SLC9C1: variants seen among roughly 807,000 people sequenced by gnomAD.
SLC9C1 encodes the protein solute carrier family 9 member C1.
Under a neutral mutation model 140.9 loss-of-function variants are expected in SLC9C1, and 97 were observed. The ratio of observed to expected loss-of-function variants is 0.69; its 90% confidence interval spans 0.58 to 0.82. SLC9C1 has a LOEUF of 0.82. Ranked by LOEUF, SLC9C1 falls within the 40% of genes least tolerant of loss-of-function variation. The pLI is 0.00. For synonymous variants in SLC9C1, 440 were observed against 442.6 expected (o/e 0.99, Z 0.07); for missense variants, 1,340 against 1,389.3 (o/e 0.96, Z 0.56).
intron 15 of SLC9C1, among the ~76,000 whole-genome samples, chr3:112,216,174 T>C (rs2108099866): frequency 6.6e-6 from 1 of 152,240 alleles, no homozygotes; most frequent in East Asian, 1.9e-4. Context: ...TGAAATGGGA[T>C]CCCTTCCTTA....
At chr3:112,277,210 A>G (rs1020096874) in intron 5 of SLC9C1, among the ~76,000 whole-genome samples, 1 of 152,064 alleles carries the variant, frequency 6.6e-6, no homozygotes, top group Non-Finnish European at 1.5e-5. Flanking sequence ...GATACTATAC[A>G]CTCAAAACAC....
chr3:112,219,613 C>G (rs1189525921), intron 14 of SLC9C1, among the ~76,000 whole-genome samples: 1 of 152,164 alleles, frequency 6.6e-6, no homozygotes, highest in Non-Finnish European at 1.5e-5. Flanking sequence ...GAGCCTTGCT[C>G]TGTCCCCCAG....
chr3:112,180,660 T>G lies in SLC9C1; in HGVS notation c.2652A>C (p.Glu884Asp). The part of the protein sequence containing the change: ...KNKDYINFIQ[E>D]KAKVVTFDCG... ...AATCAAATGTTACAACTTTGGCTTT[T>G]TCCTAAAAGATACCACCAAATACAT... The change falls in exon 22 of 29, where the codon GAA (glutamate) becomes GAC (aspartate). Residue 884 changes from glutamate (E) to aspartate (D), a missense_variant and splice_region_variant. Physicochemically the swap from Glu to Asp is conservative, Grantham distance 45 (BLOSUM62 2). Coordinates refer to ENST00000305815, the MANE Select transcript of SLC9C1 (RefSeq NM_183061.3). The G allele has an allele frequency of 6.2e-7, 1 of 1,609,820 alleles. No homozygotes were observed. The highest frequency in any genetic ancestry group is 8.5e-7 in the Non-Finnish European group (1 of 1,177,048).
At chr3:112,148,854 A>G (rs1576201252) in intron 28 of SLC9C1, among the ~76,000 whole-genome samples, 3 of 152,284 alleles carry the variant, frequency 2.0e-5, no homozygotes, top group Admixed American at 2.0e-4. Context: ...GCCAATAGAG[A>G]ATCCAGTGAG....
intron 20 of SLC9C1, among the ~76,000 whole-genome samples, chr3:112,187,157 C>T (rs921406211): frequency 6.6e-6 from 1 of 152,116 alleles, no homozygotes; most frequent in African/African-American, 2.4e-5. Flanking sequence ...AGCTATCTGA[C>T]CTTGGTGCAA....
At position 112,151,920 on chromosome 3, in the gene SLC9C1, C is replaced by A. The variant is rs753556924; in HGVS notation, c.3461G>T (p.Cys1154Phe). 3 of 1,607,114 alleles carry A rather than the reference C, an allele frequency of 1.9e-6. No homozygotes were observed. The highest frequency in any genetic ancestry group is 3.5e-5 in the Admixed American group (2 of 57,812). ...GTTGAACTTTGTCCCCAGCAGGGAG[C>A]AAGGCTGGGGACTCCTGGCAGTGGC... is the stretch of plus-strand genomic sequence containing the variant. ...SAATARSPQPCSLLGTKFNCK... is the reference protein window; with the variant it reads ...SAATARSPQPFSLLGTKFNCK... Residue 1154 changes from cysteine to phenylalanine, a missense_variant, in exon 28 of 29, where the codon TGC (cysteine) becomes TTC (phenylalanine). Cys to Phe is a radical substitution (Grantham distance 205). Coordinates refer to ENST00000305815, the MANE Select transcript of SLC9C1 (RefSeq NM_183061.3).
At chr3:112,241,297 A>G (rs2079131944) in intron 11 of SLC9C1, among the ~76,000 whole-genome samples, 2 of 152,138 alleles carry the variant, frequency 1.3e-5, no homozygotes, top group African/African-American at 2.4e-5. Context: ...CCCCACAAAC[A>G]TATACACCTA....
chr3:112,226,061 A>G (rs2078674363), intron 13 of SLC9C1, among the ~76,000 whole-genome samples: 1 of 152,326 alleles, frequency 6.6e-6, no homozygotes, highest in African/African-American at 2.4e-5. Context: ...TATAGACAGA[A>G]CATTTCATTC....
chr3:112,290,296 A>G (rs990207660), intron 1 of SLC9C1, among the ~76,000 whole-genome samples: 8 of 152,220 alleles, frequency 5.3e-5, no homozygotes, highest in African/African-American at 1.9e-4. Context: ...CTAAGAATAC[A>G]TGTTCCCATG....
chr3:112,158,986 TA>T (rs986786487), intron 26 of SLC9C1, among the ~76,000 whole-genome samples: 5 of 151,864 alleles, frequency 3.3e-5, no homozygotes, highest in African/African-American at 1.2e-4. Context: ...AAATCATTAT[TA>T]TTTCCAATTT....
chr3:112,235,672 G>T (rs1281175554), intron 12 of SLC9C1, among the ~76,000 whole-genome samples: 1 of 152,114 alleles, frequency 6.6e-6, no homozygotes, highest in Non-Finnish European at 1.5e-5. Flanking sequence ...AGAGTTTTTA[G>T]CATGAAGGGC....
At position 112,200,744 on chromosome 3, in the gene SLC9C1, T is replaced by C. The variant is rs1413233777; in HGVS notation, c.2341A>G (p.Ile781Val). Reference protein sequence around the residue: ...QIKQMLLKQVIRNMEHAIKEL... With the variant: ...QIKQMLLKQVVRNMEHAIKEL... ...TTTATAGCATGTTCCATATTCCTTATCACTTGCTTTAATAACATCTAAGGA... is the reference window on the plus strand; with the variant it reads ...TTTATAGCATGTTCCATATTCCTTACCACTTGCTTTAATAACATCTAAGGA... The change falls in exon 19 of 29, where the codon ATA (isoleucine) becomes GTA (valine). Residue 781 changes from isoleucine to valine, a missense_variant. Physicochemically the swap from Ile to Val is conservative, Grantham distance 29. Coordinates refer to ENST00000305815, the MANE Select transcript of SLC9C1 (RefSeq NM_183061.3). The C allele has an allele frequency of 1.2e-6, 2 of 1,609,516 alleles. No individual in the cohort carries two copies.
intron 28 of SLC9C1, among the ~76,000 whole-genome samples, chr3:112,144,769 C>A (rs1365667091): frequency 6.6e-6 from 1 of 152,110 alleles, no homozygotes; most frequent in Admixed American, 6.6e-5. Context: ...TATGGAAATG[C>A]TACTGATTTT....
chr3:112,147,709 A>AT (rs1323068057), intron 28 of SLC9C1, among the ~76,000 whole-genome samples: 1 of 151,812 alleles, frequency 6.6e-6, no homozygotes, highest in Admixed American at 6.6e-5. Context: ...TGACTTTAAA[A>AT]TTTTTTCTTT....
intron 13 of SLC9C1, among the ~76,000 whole-genome samples, chr3:112,226,509 G>A (rs1037475652): frequency 6.6e-6 from 1 of 151,858 alleles, no homozygotes. Context: ...ATCACTTGAG[G>A]TCAGGAGTTT....
At chr3:112,231,987 G>A (rs2078842873) in intron 12 of SLC9C1, among the ~76,000 whole-genome samples, 1 of 152,110 alleles carries the variant, frequency 6.6e-6, no homozygotes, top group Non-Finnish European at 1.5e-5. Context: ...AAAATAGAAA[G>A]TGAACACACG....
Position 112,274,933 on chromosome 3 carries a change from C to A in SLC9C1, c.577G>T (p.Asp193Tyr). 1.9e-6 allele frequency: 3 copies of A among 1,565,104 alleles called. No homozygotes were observed. In the South Asian group the frequency reaches 3.7e-5, roughly 19 times the overall value. The change falls in exon 6 of 29, where the codon GAC becomes TAC. Residue 193 changes from aspartate to tyrosine, a missense_variant. Transcript: ENST00000305815. ...LITFTSIMDF[D>Y]QRLQSKRNHT... ...TTTCTTTTACTTTGTAGTCTTTGGT[C>A]AAAATCCATAATACTAGTAAATGTA...
chr3:112,172,690 C>A (rs1487227503), intron 23 of SLC9C1, among the ~76,000 whole-genome samples: 2 of 151,872 alleles, frequency 1.3e-5, no homozygotes, highest in Non-Finnish European at 2.9e-5. Flanking sequence ...TAATAAATGC[C>A]CCTTATTGAG....
At chr3:112,267,593 AAAAAG>A (rs1427477356) in intron 7 of SLC9C1, among the ~76,000 whole-genome samples, 2 of 149,092 alleles carry the variant, frequency 1.3e-5, no homozygotes, top group Admixed American at 6.7e-5. Flanking sequence ...AAAAAAAAAA[AAAAAG>A]AGAGAGAGAG....
Sources: gnomAD v4.1 joint callset for allele counts (sites outside exome capture counted in the v4.1 genomes callset) on GRCh38, gnomAD v4.1.1 for gene constraint, MANE v1.5 for transcripts, NCBI Gene and HGNC (gene_info 2026-07-23, HGNC 2026-07-21) for gene names.